RARB: variants seen among roughly 807,000 people sequenced by gnomAD.
The protein encoded by RARB is HBV-activated protein.
A neutral mutation model predicts 51.9 loss-of-function variants in RARB; 17 were observed. The observed-to-expected ratio is 0.33, with a 90% CI of 0.22 to 0.49. The LOEUF (loss-of-function observed/expected upper bound fraction) is 0.49. RARB is among the 20% of genes least tolerant of loss of function. RARB has a pLI of 0.99. For missense variants in RARB, 369 were observed against 550.8 expected (o/e 0.67, Z 3.30); for synonymous variants, 215 against 195.4 (o/e 1.10, Z -0.84).
chr3:25,019,487 T>G (rs1697582723), intron 2 of RARB, among the ~76,000 whole-genome samples: 1 of 152,156 alleles, frequency 6.6e-6, no homozygotes, highest in Non-Finnish European at 1.5e-5. Flanking sequence ...ATTCCCTTTT[T>G]TTTTTCTTCA....
chr3:25,169,502 A>G (rs2125350633), intron 4 of RARB, among the ~76,000 whole-genome samples: 1 of 152,346 alleles, frequency 6.6e-6, no homozygotes, highest in African/African-American at 2.4e-5. Flanking sequence ...TTTTATAAGA[A>G]AACTATAAAT....
chr3:25,082,753 G>T (rs1419415213), intron 3 of RARB, among the ~76,000 whole-genome samples: 1 of 151,918 alleles, frequency 6.6e-6, no homozygotes, highest in Non-Finnish European at 1.5e-5. Flanking sequence ...ATTTCCTTCT[G>T]ACAGTATTTT....
chr3:25,286,777 G>A (rs912028044), intron 5 of RARB, among the ~76,000 whole-genome samples: 1 of 152,116 alleles, frequency 6.6e-6, no homozygotes, highest in African/African-American at 2.4e-5. Context: ...AACCTTGCGA[G>A]GTTGGTATTT....
At position 25,592,455 on chromosome 3, in the gene RARB, C is replaced by T. The variant is rs145428743; in HGVS notation, c.787-1048C>T. The stretch of plus-strand genomic sequence containing the variant: ...CTGGTCAGCAGAGACCCTTTATTGT[C>T]GGTGCAGAAATGTGGTTCTGGGTGG... On this transcript the variant is annotated intron_variant, in intron 5 of 7. Transcript: ENST00000330688. 6.8e-3 allele frequency among the ~76,000 whole-genome samples: 1,033 copies of T among 152,260 alleles called. 14 individuals are homozygous for T. The highest frequency in any genetic ancestry group is 0.014 in the Middle Eastern group (4 of 294).
intron 3 of RARB, among the ~76,000 whole-genome samples, chr3:25,535,457 A>G (rs1699102466): frequency 6.6e-6 from 1 of 150,926 alleles, no homozygotes; most frequent in Non-Finnish European, 1.5e-5. Flanking sequence ...CATGTGCAGA[A>G]TGTGCAGGTT....
chr3:24,923,338 T>C (rs1038329048), intron 2 of RARB, among the ~76,000 whole-genome samples: 1 of 152,186 alleles, frequency 6.6e-6, no homozygotes, highest in African/African-American at 2.4e-5. Context: ...AGATACTCAT[T>C]GTGAATTAAT....
chr3:24,958,487 C>G (rs1366468117), intron 2 of RARB, among the ~76,000 whole-genome samples: 2 of 152,058 alleles, frequency 1.3e-5, no homozygotes, highest in Non-Finnish European at 2.9e-5. Context: ...AAAATTCTCT[C>G]ACACCCTGAT....
intron 5 of RARB, among the ~76,000 whole-genome samples, chr3:25,353,026 C>T (rs1486790481): frequency 6.6e-6 from 1 of 152,174 alleles, no homozygotes; most frequent in Non-Finnish European, 1.5e-5. Flanking sequence ...TAGTTGTGCA[C>T]CTCTTATGTG....
chr3:25,593,252 A>C (rs2125325025), intron 5 of RARB, among the ~76,000 whole-genome samples: 1 of 152,132 alleles, frequency 6.6e-6, no homozygotes, highest in African/African-American at 2.4e-5. Flanking sequence ...CAAGTAATGA[A>C]TTACTTTTAA....
intron 5 of RARB, among the ~76,000 whole-genome samples, chr3:25,254,015 T>C (rs552190238): frequency 2.4e-4 from 37 of 152,280 alleles, no homozygotes; most frequent in Non-Finnish European, 4.3e-4. Context: ...TTTCTAGTAA[T>C]TGGCTACAAA....
chr3:24,840,247 T>C (rs1369665473), intron 1 of RARB, among the ~76,000 whole-genome samples: 1 of 152,216 alleles, frequency 6.6e-6, no homozygotes, highest in East Asian at 1.9e-4. Flanking sequence ...TCAATTCTTA[T>C]GCTGTGGATT....
At chr3:25,279,701 A>G (rs1396690154) in intron 5 of RARB, among the ~76,000 whole-genome samples, 1 of 152,196 alleles carries the variant, frequency 6.6e-6, no homozygotes, top group Admixed American at 6.5e-5. Context: ...GCCAGAGCCA[A>G]TGAAGAATGA....
In RARB at chr3:25,107,792, C is replaced by A. The variant is rs1384273457; in HGVS notation, c.-327-24369C>A. ...ACTTCTGCAGTTTGAAGTGCAACAG[C>A]AAAACTAACATAAATTTTTTCTCAC... is the stretch of plus-strand genomic sequence containing the variant. On this transcript the variant is annotated intron_variant, in intron 3 of 11. Transcript: ENST00000383772. Among the ~76,000 whole-genome samples, 3 of 152,142 alleles carry A rather than the reference C, an allele frequency of 2.0e-5. No individual in the cohort carries two copies. The East Asian group carries it at 5.8e-4, about 29-fold the overall frequency.
At chr3:25,595,553 G>A (rs1035836687) in intron 7 of RARB, among the ~76,000 whole-genome samples, 1 of 152,160 alleles carries the variant, frequency 6.6e-6, no homozygotes, top group Non-Finnish European at 1.5e-5. Flanking sequence ...TTAAAAATGA[G>A]GCTGTTTAAC....
intron 2 of RARB, among the ~76,000 whole-genome samples, chr3:24,976,438 C>T (rs187421385): frequency 7.2e-5 from 11 of 152,276 alleles, no homozygotes; most frequent in African/African-American, 2.6e-4. Flanking sequence ...TCTGTTGTTT[C>T]CTGACTTTTT....
intron 2 of RARB, among the ~76,000 whole-genome samples, chr3:24,895,840 G>A (rs1028158839): frequency 1.3e-5 from 2 of 152,084 alleles, no homozygotes; most frequent in Non-Finnish European, 2.9e-5. Flanking sequence ...ATAGAATAAC[G>A]TCCAGCACTT....
At chr3:25,363,482 T>G (rs992818930) in intron 5 of RARB, among the ~76,000 whole-genome samples, 9 of 152,168 alleles carry the variant, frequency 5.9e-5, no homozygotes, top group Admixed American at 5.9e-4. Context: ...ACTTCATCTT[T>G]CCAGTTGCTT....
chr3:25,274,642 T>A (rs997556580), intron 5 of RARB, among the ~76,000 whole-genome samples: 1 of 152,140 alleles, frequency 6.6e-6, no homozygotes, highest in African/African-American at 2.4e-5. Context: ...TAATAACAAC[T>A]ATTTTTTTTG....
intron 5 of RARB, among the ~76,000 whole-genome samples, chr3:25,388,552 A>G (rs932704810): frequency 6.6e-6 from 1 of 152,376 alleles, no homozygotes; most frequent in African/African-American, 2.4e-5. Flanking sequence ...ACTGTTTTCA[A>G]CATGAAACAA....
Sources: gnomAD v4.1 joint callset for allele counts (sites outside exome capture counted in the v4.1 genomes callset) on GRCh38, gnomAD v4.1.1 for gene constraint, MANE v1.5 for transcripts, NCBI Gene and HGNC (gene_info 2026-07-23, HGNC 2026-07-21) for gene names.